EVL: variants seen among roughly 807,000 people sequenced by gnomAD.
EVL encodes ena/VASP-like protein.
Under a neutral mutation model 59.6 loss-of-function variants are expected in EVL, and 21 were observed. That is an observed-to-expected ratio of 0.35 (90% confidence interval 0.25 to 0.51). The LOEUF is 0.51. Ranked by LOEUF, EVL falls within the 20% of genes least tolerant of loss-of-function variation. The pLI is 0.97. For synonymous variants in EVL, 198 were observed against 203.5 expected, an observed-to-expected ratio of 0.97 and a Z score of 0.23; for missense variants, 462 against 546.6, an observed-to-expected ratio of 0.85 and a Z score of 1.54.
chr14:100,018,250 G>A (rs1263738253), intron 1 of EVL, among the ~76,000 whole-genome samples: 1 of 152,230 alleles, frequency 6.6e-6, no homozygotes, highest in African/African-American at 2.4e-5. Context: ...CAGTGAGGGA[G>A]CAGCACGTGG....
chr14:100,143,836 A>G lies in EVL; in HGVS notation c.*98A>G. The G allele has an allele frequency of 6.9e-7, 1 of 1,454,920 alleles. No homozygotes were observed. Among genetic ancestry groups the G allele is most frequent in the Admixed American group, 1.9e-5 (1 of 51,924 alleles). The allele number at this position is 1,454,920 out of a possible 1,614,324, so 90.1% of individuals were successfully genotyped here. On this transcript the variant is annotated 3_prime_UTR_variant, in exon 14 of 14. Coordinates refer to ENST00000392920, the MANE Select transcript of EVL (RefSeq NM_016337.3). ...CAGACTCCAGTGCACCAGAGCACGC[A>G]CAGGAGCCTGGGCGCGCTGCTGTGA...
At chr14:100,101,082 G>T (rs935222956) in intron 3 of EVL, among the ~76,000 whole-genome samples, 1 of 152,084 alleles carries the variant, frequency 6.6e-6, no homozygotes. Flanking sequence ...TTTTGGGTCC[G>T]GGCATGGTGG....
At chr14:100,103,159 G>C in intron 3 of EVL, among the ~76,000 whole-genome samples, 1 of 147,416 alleles carries the variant, frequency 6.8e-6, no homozygotes, top group Non-Finnish European at 1.5e-5. Flanking sequence ...TGGGGCTTAA[G>C]AGGTTGTCAT....
chr14:100,097,730 G>T, intron 3 of EVL, 72 bp downstream of exon 3: 5 of 1,433,756 alleles, frequency 3.5e-6, no homozygotes, highest in Non-Finnish European at 3.8e-6. Context: ...CACAGCTCTG[G>T]CTCTCCGGGT....
intron 1 of EVL, among the ~76,000 whole-genome samples, chr14:100,040,083 A>G (rs2061445192): frequency 1.3e-5 from 2 of 152,276 alleles, no homozygotes; most frequent in Admixed American, 6.5e-5. Context: ...CCCAGCCCCC[A>G]TGAGCTGTTG....
At chr14:100,043,566 C>G (rs2061501255) in intron 1 of EVL, among the ~76,000 whole-genome samples, 1 of 149,868 alleles carries the variant, frequency 6.7e-6, no homozygotes. Flanking sequence ...AAGAAGTGTC[C>G]CAGCTCCAGA....
chr14:100,046,447 A>G (rs962907325), intron 1 of EVL, among the ~76,000 whole-genome samples: 8 of 152,144 alleles, frequency 5.3e-5, no homozygotes, highest in African/African-American at 1.9e-4. Context: ...CGGGCAGATC[A>G]CTTGATCTCA....
chr14:100,080,918 G>GT (rs895795732), intron 1 of EVL, among the ~76,000 whole-genome samples: 1 of 152,178 alleles, frequency 6.6e-6, no homozygotes, highest in Non-Finnish European at 1.5e-5. Flanking sequence ...ATATGTATAT[G>GT]TTTTTTAAAA....
rs988849436 is a variant in EVL, at chr14:100,127,384, T to C, written c.487+613T>C. 2.0e-5 allele frequency among the ~76,000 whole-genome samples: 3 copies of C among 152,220 alleles called. No individual in the cohort carries two copies. Among genetic ancestry groups the C allele is most frequent in the Non-Finnish European group, 4.4e-5 (3 of 68,050 alleles). On this transcript the variant is annotated intron_variant, in intron 5 of 13. Transcript: ENST00000392920. This position sits in a 1 kb window ranked among gnomAD's most constrained non-coding sequence, Gnocchi z 4.2. ...TAATTTTCTCAAACACCCTATGAAG[T>C]GAGCAGGTGACTATTATCCTGTTGA...
At chr14:100,038,038 A>G (rs2061412963) in intron 1 of EVL, among the ~76,000 whole-genome samples, 1 of 152,196 alleles carries the variant, frequency 6.6e-6, no homozygotes, top group East Asian at 1.9e-4. Flanking sequence ...CAGGACTGGA[A>G]CTAGCTCTGT....
intron 3 of EVL, among the ~76,000 whole-genome samples, chr14:100,115,348 G>A (rs1330854137): frequency 6.6e-6 from 1 of 152,208 alleles, no homozygotes; most frequent in East Asian, 1.9e-4. Flanking sequence ...CCTGGGCCTC[G>A]GGACCCCTCT....
chr14:99,984,540 A>T (rs1050361172), intron 1 of EVL, among the ~76,000 whole-genome samples: 6 of 152,204 alleles, frequency 3.9e-5, no homozygotes, highest in Admixed American at 3.9e-4. Context: ...GAGAGTTCCT[A>T]TACACCTCCT....
intron 11 of EVL, 110 bp downstream of exon 11, chr14:100,137,912 C>A: frequency 8.9e-7 from 1 of 1,117,414 alleles, no homozygotes; most frequent in Non-Finnish European, 1.3e-6. Context: ...CATTTAACAA[C>A]TTGCTCTGCG....
chr14:100,030,081 T>G (rs1174775178), intron 1 of EVL, among the ~76,000 whole-genome samples: 1 of 151,068 alleles, frequency 6.6e-6, no homozygotes, highest in East Asian at 1.9e-4. Flanking sequence ...CTATGCTAAT[T>G]AAATGAGATT....
chr14:100,132,753 G>A lies in EVL; in HGVS notation c.874G>A (p.Glu292Lys), dbSNP rs1330164542. The A allele has an allele frequency of 5.0e-6, 8 of 1,614,062 alleles. No homozygotes were observed. The highest frequency in any genetic ancestry group is 6.8e-6 in the Non-Finnish European group (8 of 1,180,042). The change falls in exon 8 of 14, where the codon GAG becomes AAG. Residue 292 changes from glutamate (E) to lysine (K), a missense_variant. Coordinates refer to ENST00000392920, the MANE Select transcript of EVL (RefSeq NM_016337.3). ...KAASQSDKPA[E>K]KKEDESQMED... ...AGCCTCCCAGTCAGACAAGCCAGCCGAGAAGAAGGAAGATGAAAGCCAAAT... is the reference window on the plus strand; with the variant it reads ...AGCCTCCCAGTCAGACAAGCCAGCCAAGAAGAAGGAAGATGAAAGCCAAAT...
chr14:100,070,882 TATAA>T (rs2062035367), intron 1 of EVL, among the ~76,000 whole-genome samples: 1 of 152,188 alleles, frequency 6.6e-6, no homozygotes, highest in Non-Finnish European at 1.5e-5. Context: ...GAGCAAAATA[TATAA>T]ATGTTTTTGA....
intron 3 of EVL, among the ~76,000 whole-genome samples, chr14:100,113,327 G>A (rs1172370832): frequency 6.6e-6 from 1 of 152,138 alleles, no homozygotes; most frequent in Non-Finnish European, 1.5e-5. Context: ...TGCGAGGAAG[G>A]TCAAAGAGCA....
At chr14:100,009,047 G>T (rs1475366198) in intron 1 of EVL, among the ~76,000 whole-genome samples, 2 of 152,326 alleles carry the variant, frequency 1.3e-5, no homozygotes, top group African/African-American at 4.8e-5. Context: ...CCTCACGTAA[G>T]ACTTCTTAGA....
intron 13 of EVL, 31 bp from the exon 14 acceptor site, chr14:100,143,670 T>C (rs1460983665): frequency 3.1e-6 from 5 of 1,608,720 alleles, no homozygotes; most frequent in African/African-American, 1.4e-5. Context: ...TGGTCATGGC[T>C]GCACCTGAGC....
Sources: allele counts gnomAD v4.1 joint callset (sites outside exome capture counted in the v4.1 genomes callset), GRCh38; gene constraint gnomAD v4.1.1; non-coding constraint Gnocchi (gnomAD v3.1); transcripts MANE v1.5; gene names NCBI Gene and HGNC (gene_info 2026-07-23, HGNC 2026-07-21).